CNBD1: variants seen among roughly 807,000 people sequenced by gnomAD.
The protein encoded by CNBD1 is cyclic nucleotide binding domain containing 1.
CNBD1 carries 71 observed loss-of-function variants against 54.4 expected under a neutral mutation model. The observed-to-expected ratio is 1.30, with a 90% CI of 1.08 to 1.59. The LOEUF is 1.59. CNBD1 is among the 40% of genes most tolerant of loss of function. CNBD1 has a pLI of 0.00. For missense variants in CNBD1, 659 were observed against 518.0 expected (o/e 1.27, Z -2.64); for synonymous variants, 182 against 170.7 (o/e 1.07, Z -0.51).
chr8:86,929,561 C>T (rs1342037024), intron 3 of CNBD1, among the ~76,000 whole-genome samples: 1 of 152,204 alleles, frequency 6.6e-6, no homozygotes, highest in Admixed American at 6.5e-5. Context: ...CAGCATAAGT[C>T]TGGGCAACAG....
chr8:87,402,135 G>A lies in CNBD1; in HGVS notation c.214-26411G>A, dbSNP rs902411531. On this transcript the variant is annotated intron_variant, in intron 2 of 7. Coordinates refer to the CNBD1 transcript ENST00000521593. The stretch of plus-strand genomic sequence containing the variant: ...TACATGGTGGCAGGCAAGAGAGCAA[G>A]TGTAGGGGAACAGCCTTTTATAAAA... Among the ~76,000 whole-genome samples, 4 of 152,158 alleles carry A rather than the reference G, an allele frequency of 2.6e-5. No individual in the cohort carries two copies. The East Asian group carries it at 5.8e-4, about 22-fold the overall frequency.
intron 5 of CNBD1, among the ~76,000 whole-genome samples, chr8:87,208,021 C>T (rs1586330147): frequency 6.6e-6 from 1 of 152,278 alleles, no homozygotes; most frequent in East Asian, 1.9e-4. Flanking sequence ...AACTAGGTGT[C>T]TGTCTCTCTC....
chr8:86,884,360 TTGAC>T (rs540737947), intron 1 of CNBD1, among the ~76,000 whole-genome samples: 46 of 152,294 alleles, frequency 3.0e-4, no homozygotes, highest in East Asian at 1.4e-3. Flanking sequence ...ATAGAAAACT[TTGAC>T]TGGGCATTAT....
chr8:87,129,650 A>G (rs1045926132), intron 4 of CNBD1, among the ~76,000 whole-genome samples: 3 of 151,294 alleles, frequency 2.0e-5, no homozygotes, highest in African/African-American at 7.3e-5. Context: ...TTGGATTTAG[A>G]CTTTACTTTT....
chr8:87,316,169 G>A (rs1327881993), intron 8 of CNBD1, among the ~76,000 whole-genome samples: 3 of 151,834 alleles, frequency 2.0e-5, no homozygotes, highest in African/African-American at 7.2e-5. Flanking sequence ...CATACAAACA[G>A]CAAGCTGTAA....
intron 6 of CNBD1, among the ~76,000 whole-genome samples, chr8:87,259,995 G>T (rs1218268718): frequency 6.6e-6 from 1 of 152,084 alleles, no homozygotes; most frequent in Non-Finnish European, 1.5e-5. Flanking sequence ...GACAAGAAGA[G>T]AATCGACAAG....
At chr8:87,000,364 G>A (rs916109735) in intron 4 of CNBD1, among the ~76,000 whole-genome samples, 7 of 152,142 alleles carry the variant, frequency 4.6e-5, no homozygotes, top group African/African-American at 9.7e-5. Context: ...ATGTGGGACT[G>A]TGAATTAATT....
intron 2 of CNBD1, among the ~76,000 whole-genome samples, chr8:87,419,689 G>A (rs1368527362): frequency 6.6e-6 from 1 of 151,816 alleles, no homozygotes; most frequent in East Asian, 1.9e-4. Context: ...AATAGAGTAT[G>A]TGACAAAGTT....
rs1358295852 is a variant in CNBD1 at position 87,096,803 on chromosome 8, C to CT, written c.432-109190_432-109189insT. Among the ~76,000 whole-genome samples the CT allele has an allele frequency of 3.4e-3, 501 of 146,298 alleles. 2 individuals are homozygous for CT. The highest frequency in any genetic ancestry group is 0.012 in the African/African-American group (487 of 41,028). Reference sequence around the variant, plus strand: ...CTTCTGACTCTGCTCATTTTTCTTCCCTTTTTTTTTTTTTACCTTTTCCTC... The same window carrying CT: ...CTTCTGACTCTGCTCATTTTTCTTCCTCTTTTTTTTTTTTTACCTTTTCCTC... On this transcript the variant is annotated intron_variant, in intron 4 of 10. Transcript: ENST00000518476.
intron 4 of CNBD1, among the ~76,000 whole-genome samples, chr8:87,184,496 G>A (rs1395699260): frequency 6.6e-6 from 1 of 152,134 alleles, no homozygotes; most frequent in Non-Finnish European, 1.5e-5. Context: ...AACCCTCTGG[G>A]CTTCATGCAG....
At position 87,242,479 on chromosome 8, in the gene CNBD1, A is replaced by G. The variant is rs115127435; in HGVS notation, c.771+5367A>G. Among the ~76,000 whole-genome samples the G allele has an allele frequency of 2.7e-3, 404 of 152,314 alleles. 1 individual carries two copies. The highest frequency in any genetic ancestry group is 9.3e-3 in the African/African-American group (386 of 41,582). The stretch of plus-strand genomic sequence containing the variant: ...TTATATTAATTAACCCTTTATATTA[A>G]TTAACCCTCTTCTATTGATTCAGGG... On this transcript the variant is annotated intron_variant, in intron 6 of 10. Coordinates refer to ENST00000518476, the MANE Select transcript of CNBD1 (RefSeq NM_173538.3).
At chr8:87,116,146 C>G (rs991704963) in intron 4 of CNBD1, among the ~76,000 whole-genome samples, 1 of 145,914 alleles carries the variant, frequency 6.9e-6, no homozygotes, top group African/African-American at 2.5e-5. Flanking sequence ...TCCTTCTCTT[C>G]TTTGTCTGTC....
chr8:87,393,604 AAAGT>A (rs1811354814), intron 2 of CNBD1, among the ~76,000 whole-genome samples: 1 of 151,856 alleles, frequency 6.6e-6, no homozygotes, highest in South Asian at 2.1e-4. Context: ...GTGAAAATAA[AAAGT>A]AAGTGACAAC....
intron 8 of CNBD1, among the ~76,000 whole-genome samples, chr8:87,351,405 C>A (rs1401771295): frequency 6.6e-6 from 1 of 152,286 alleles, no homozygotes; most frequent in Non-Finnish European, 1.5e-5. Context: ...CTTCTATATT[C>A]CCCTTTCCTT....
intron 10 of CNBD1, among the ~76,000 whole-genome samples, chr8:87,368,331 A>G (rs779462604): frequency 2.0e-5 from 3 of 151,994 alleles, no homozygotes; most frequent in African/African-American, 7.2e-5. Flanking sequence ...AGTGAAGATA[A>G]ATATGTAATT....
chr8:86,872,285 T>C (rs570547540), intron 1 of CNBD1, among the ~76,000 whole-genome samples: 3 of 152,332 alleles, frequency 2.0e-5, no homozygotes, highest in African/African-American at 7.2e-5. Flanking sequence ...ATCATTTCAG[T>C]TCTTCAGAGT....
chr8:87,368,518 GTCCCAGC>G (rs1008722136), intron 10 of CNBD1, among the ~76,000 whole-genome samples: 2 of 151,696 alleles, frequency 1.3e-5, no homozygotes, highest in Non-Finnish European at 2.9e-5. Flanking sequence ...CACACCTGTA[GTCCCAGC>G]TACTTGGTGG....
At chr8:87,264,120 T>C (rs1418780244) in intron 6 of CNBD1, among the ~76,000 whole-genome samples, 3 of 152,088 alleles carry the variant, frequency 2.0e-5, no homozygotes, top group Admixed American at 1.3e-4. Flanking sequence ...TAACATTAGG[T>C]ATATCTCTTA....
chr8:87,311,436 A>G (rs1428386097), intron 8 of CNBD1, among the ~76,000 whole-genome samples: 1 of 152,154 alleles, frequency 6.6e-6, no homozygotes, highest in South Asian at 2.1e-4. Context: ...ATTATTAAAA[A>G]GTCAAAAAAT....
Sources: gnomAD v4.1 joint callset for allele counts (sites outside exome capture counted in the v4.1 genomes callset) on GRCh38, gnomAD v4.1.1 for gene constraint, MANE v1.5 for transcripts, NCBI Gene and HGNC (gene_info 2026-07-23, HGNC 2026-07-21) for gene names.